PRELID2: variants seen among roughly 807,000 people sequenced by gnomAD.
The protein encoded by PRELID2 is PRELI domain-containing protein 2.
Under a neutral mutation model 28.4 loss-of-function variants are expected in PRELID2, and 25 were observed. That is an observed-to-expected ratio of 0.88 (90% CI 0.64 to 1.23). The LOEUF (loss-of-function observed/expected upper bound fraction) is 1.23. Among genes scored for constraint, PRELID2 ranks in the 50% most tolerant of loss-of-function variants. The pLI is 0.00. For missense variants in PRELID2, 201 were observed against 214.4 expected, an observed-to-expected ratio of 0.94 and a Z score of 0.39; for synonymous variants, 76 against 71.6, an observed-to-expected ratio of 1.06 and a Z score of -0.31.
the PRELID2 span, among the ~76,000 whole-genome samples, chr5:145,358,493 G>A: frequency 2.6e-5 from 4 of 152,064 alleles, no homozygotes; most frequent in African/African-American, 9.7e-5. Flanking sequence ...ACACAGAAAT[G>A]AGACTGCTGG....
chr5:145,572,623 T>C (rs1753024226), intron 1 of PRELID2, among the ~76,000 whole-genome samples: 1 of 152,200 alleles, frequency 6.6e-6, no homozygotes, highest in African/African-American at 2.4e-5. Context: ...CTACTGACTG[T>C]ACTCCATCAA....
the PRELID2 span, among the ~76,000 whole-genome samples, chr5:145,455,158 G>T: frequency 1.3e-5 from 2 of 152,050 alleles, no homozygotes; most frequent in Non-Finnish European, 2.9e-5. Context: ...TTTGTATAAG[G>T]TGTAAGGAAG....
the PRELID2 span, among the ~76,000 whole-genome samples, chr5:145,364,934 T>C: frequency 2.3e-3 from 349 of 152,024 alleles, 1 homozygote; most frequent in African/African-American, 7.8e-3. Context: ...TAAATAAATA[T>C]AGGAAATTTA....
At chr5:145,696,242 T>G (rs2149699239) in intron 1 of PRELID2, among the ~76,000 whole-genome samples, 1 of 149,640 alleles carries the variant, frequency 6.7e-6, no homozygotes. Flanking sequence ...TGCCTCTCCC[T>G]TCTCAAAGTA....
intron 1 of PRELID2, among the ~76,000 whole-genome samples, chr5:145,621,647 C>A (rs576933243): frequency 1.3e-3 from 201 of 152,150 alleles, no homozygotes; most frequent in African/African-American, 4.6e-3. Context: ...TAAATGAGAT[C>A]CTGGAAGAAG....
the PRELID2 span, among the ~76,000 whole-genome samples, chr5:145,420,406 C>A: frequency 1.3e-5 from 2 of 151,198 alleles, no homozygotes; most frequent in African/African-American, 2.4e-5. Context: ...CTTTTATTTC[C>A]TGGAGCAGTG....
intron 1 of PRELID2, among the ~76,000 whole-genome samples, chr5:145,698,985 CCA>C (rs1755346042): frequency 6.6e-6 from 1 of 152,176 alleles, no homozygotes; most frequent in South Asian, 2.1e-4. Flanking sequence ...CCTCAGCCTC[CCA>C]AAGTGCTGGG....
intron 1 of PRELID2, among the ~76,000 whole-genome samples, chr5:145,683,673 A>G (rs138578760): frequency 0.012 from 1,880 of 152,154 alleles, 23 homozygotes; most frequent in Non-Finnish European, 0.02. Context: ...TTTTGCCTTT[A>G]TCACTCTTAA....
intron 1 of PRELID2, among the ~76,000 whole-genome samples, chr5:145,747,419 A>G (rs556843349): frequency 6.6e-6 from 1 of 152,304 alleles, no homozygotes; most frequent in South Asian, 2.1e-4. Flanking sequence ...TAAACTAGAA[A>G]ATCTAGAAGA....
intron 4 of PRELID2, among the ~76,000 whole-genome samples, chr5:145,816,151 C>T (rs1041702357): frequency 2.1e-5 from 3 of 139,956 alleles, no homozygotes; most frequent in African/African-American, 8.1e-5. Context: ...GGTGCGATCT[C>T]GGCTCACTGA....
the PRELID2 span, among the ~76,000 whole-genome samples, chr5:145,333,598 A>G: frequency 5.9e-5 from 9 of 152,132 alleles, no homozygotes; most frequent in African/African-American, 2.2e-4. Context: ...CTCAAGCCTC[A>G]GTAATGGTGG....
chr5:145,795,753 A>C (rs1299410916), intron 5 of PRELID2: 1 of 152,226 alleles, frequency 6.6e-6, no homozygotes, highest in Non-Finnish European at 1.5e-5. Context: ...ATGCATAAGC[A>C]ATGGGTTTTG....
chr5:145,590,950 G>T (rs17103471), intron 1 of PRELID2, among the ~76,000 whole-genome samples: 2 of 151,192 alleles, frequency 1.3e-5, no homozygotes, highest in Non-Finnish European at 3.0e-5. Flanking sequence ...TCAAGGAAAC[G>T]CATGGATTCT....
intron 1 of PRELID2, among the ~76,000 whole-genome samples, chr5:145,661,502 C>T (rs7733723): frequency 0.22 from 32,980 of 151,672 alleles, 6,784 homozygotes; most frequent in African/African-American, 0.54. Flanking sequence ...GGGATGCTGG[C>T]TGAGATCCAC....
At chr5:145,712,864 T>C (rs771604081) in intron 1 of PRELID2, among the ~76,000 whole-genome samples, 3 of 151,196 alleles carry the variant, frequency 2.0e-5, no homozygotes, top group Non-Finnish European at 1.5e-5. Flanking sequence ...AACACATATA[T>C]GAAAAAATGG....
the PRELID2 span, among the ~76,000 whole-genome samples, chr5:145,342,902 T>TAAAAAAAAAAAAAAA: frequency 1.6e-5 from 2 of 128,942 alleles, no homozygotes; most frequent in Non-Finnish European, 3.3e-5. Context: ...TCAAAAACAG[T>TAAAAAAAAAAAAAAA]AAAAAAAAAA....
intron 4 of PRELID2, among the ~76,000 whole-genome samples, chr5:145,816,430 T>G (rs1221281419): frequency 2.6e-5 from 4 of 152,200 alleles, no homozygotes; most frequent in Non-Finnish European, 5.9e-5. Context: ...AAGTTTCTAA[T>G]TGATGACATC....
chr5:145,745,712 A>G (rs1210963824), intron 1 of PRELID2, among the ~76,000 whole-genome samples: 1 of 151,994 alleles, frequency 6.6e-6, no homozygotes, highest in Non-Finnish European at 1.5e-5. Flanking sequence ...AAATAGAAAC[A>G]ATTAGCTGGA....
Position 145,500,359 on chromosome 5 carries a change from G to A in PRELID2, n.71-27044C>T, listed in dbSNP as rs145703948. ...GCCTCCTTCCCCTTTGCCTTCCACC[G>A]TGATTGTAAGTTTCCTGAGGCCTCC... On this transcript the variant is annotated intron_variant and non_coding_transcript_variant, in intron 1 of 2. Transcript: ENST00000510259. Among the ~76,000 whole-genome samples, 260 of 152,062 alleles carry A rather than the reference G, an allele frequency of 1.7e-3. 2 individuals are homozygous for A. The highest frequency in any genetic ancestry group is 6.0e-3 in the African/African-American group (248 of 41,470).
Sources: allele counts gnomAD v4.1 joint callset (sites outside exome capture counted in the v4.1 genomes callset), GRCh38; gene constraint gnomAD v4.1.1; transcripts MANE v1.5; gene names NCBI Gene and HGNC (gene_info 2026-07-23, HGNC 2026-07-21).